BPTF: variants seen among roughly 807,000 people sequenced by gnomAD.
BPTF encodes bromodomain PHD finger transcription factor, also known as nucleosome-remodeling factor subunit BPTF.
A neutral mutation model predicts 292.5 loss-of-function variants in BPTF; 18 were observed. The ratio of observed to expected loss-of-function variants is 0.06; its 90% confidence interval spans 0.04 to 0.09. The LOEUF is 0.09. Ranked by LOEUF, BPTF falls within the 10% of genes least tolerant of loss-of-function variation. The pLI, the probability that BPTF is intolerant of heterozygous loss-of-function variation, is 1.00. For missense variants in BPTF, 2,726 were observed against 3,498.7 expected, an observed-to-expected ratio of 0.78 and a Z score of 5.57; for synonymous variants, 1,225 against 1,251.9, an observed-to-expected ratio of 0.98 and a Z score of 0.45.
chr17:67,836,687 C>T (rs1055999085), intron 1 of BPTF, among the ~76,000 whole-genome samples: 1 of 152,204 alleles, frequency 6.6e-6, no homozygotes, highest in Non-Finnish European at 1.5e-5. Context: ...GACTTCAACA[C>T]TCTTCTCACA....
rs779459852 is a variant in BPTF at position 67,894,170 on chromosome 17, A to G, written c.2543+5A>G. ...AGAATCTTTAGGACATACCAGGTAAATGAATTCTGAGCCTTGTAAATGATG... is the reference window on the plus strand; with the variant it reads ...AGAATCTTTAGGACATACCAGGTAAGTGAATTCTGAGCCTTGTAAATGATG... On this transcript the variant is annotated splice_donor_5th_base_variant and intron_variant, in intron 7 of 27. Transcript: ENST00000306378. 4.3e-6 allele frequency: 7 copies of G among 1,613,544 alleles called. No homozygotes were observed. In the African/African-American group the frequency reaches 6.7e-5, roughly 15 times the overall value.
chr17:67,897,002 G>A (rs1290177240), intron 7 of BPTF, among the ~76,000 whole-genome samples: 1 of 151,914 alleles, frequency 6.6e-6, no homozygotes, highest in Non-Finnish European at 1.5e-5. Flanking sequence ...CAAGGGGGAG[G>A]AAATAATACA....
intron 16 of BPTF, chr17:67,928,876 T>C (rs1021737566): frequency 1.9e-6 from 2 of 1,067,412 alleles, no homozygotes; most frequent in African/African-American, 3.2e-5. Context: ...CCACATTTCA[T>C]GCATTGGTGC....
rs1331666721 is a variant in BPTF at position 67,859,880 on chromosome 17, G to A, written c.1436+5118G>A. Among the ~76,000 whole-genome samples, 6 of 152,124 alleles carry A rather than the reference G, an allele frequency of 3.9e-5. No homozygotes were observed. The South Asian group carries it at 1.0e-3, about 26-fold the overall frequency. ...CAGGGAAGCAAAATATATACTATTC[G>A]ATAATTACATAAATGCAGACCTTTG... On this transcript the variant is annotated intron_variant, in intron 2 of 27. Coordinates refer to ENST00000306378, the MANE Select transcript of BPTF (RefSeq NM_182641.4).
chr17:67,848,489 T>A (rs2058188957), intron 1 of BPTF, among the ~76,000 whole-genome samples: 1 of 152,174 alleles, frequency 6.6e-6, no homozygotes, highest in Non-Finnish European at 1.5e-5. Context: ...CAAAGGGTAG[T>A]AGAGGTGACA....
chr17:67,962,452 C>T (rs1487276988), intron 24 of BPTF, among the ~76,000 whole-genome samples: 3 of 152,192 alleles, frequency 2.0e-5, no homozygotes, highest in African/African-American at 7.2e-5. Context: ...TCTTTTGTTA[C>T]AGAGGCCACT....
chr17:67,834,280 C>T (rs1362909929), intron 1 of BPTF, among the ~76,000 whole-genome samples: 1 of 152,154 alleles, frequency 6.6e-6, no homozygotes, highest in Non-Finnish European at 1.5e-5. Context: ...AGAGAGTATA[C>T]TTTGTATGAC....
At chr17:67,921,802 C>T (rs1397530334) in intron 13 of BPTF, among the ~76,000 whole-genome samples, 15 of 152,066 alleles carry the variant, frequency 9.9e-5, no homozygotes, top group African/African-American at 3.1e-4. Context: ...GAGGCCAAGG[C>T]GGGTGGGTCA....
intron 23 of BPTF, chr17:67,951,531 A>G (rs560892663): frequency 2.6e-5 from 4 of 152,136 alleles, no homozygotes; most frequent in Non-Finnish European, 4.4e-5. Flanking sequence ...TCCGTTCCAC[A>G]TTCTACACAG....
chr17:67,970,849 T>C (rs73338734), intron 26 of BPTF, among the ~76,000 whole-genome samples: 2,789 of 152,320 alleles, frequency 0.018, 91 homozygotes, highest in African/African-American at 0.064. Context: ...GTGTGTAGTT[T>C]TTGCTAGTAT....
At chr17:67,978,974 T>C (rs1555695519) in intron 27 of BPTF, among the ~76,000 whole-genome samples, 1 of 151,112 alleles carries the variant, frequency 6.6e-6, no homozygotes, top group Non-Finnish European at 1.5e-5. Flanking sequence ...CCAGGAATTC[T>C]AGACCAGCCT....
In BPTF at chr17:67,912,620, C is replaced by A. The variant is rs1288647968; in HGVS notation, c.4736C>A (p.Ser1579Tyr). 6.2e-7 allele frequency: 1 copy of A among 1,612,946 alleles called. No individual in the cohort carries two copies. Residue 1579 changes from serine (S) to tyrosine (Y), a missense_variant, in exon 11 of 28, where the codon TCT becomes TAT. By Grantham distance (144) the Ser-to-Tyr change is moderately radical. Around this residue, in one of 22 missense-constraint regions of BPTF, gnomAD observed 144 missense variants for 177.2 expected, o/e 0.81. Coordinates refer to ENST00000306378, the MANE Select transcript of BPTF (RefSeq NM_182641.4). ...INKNENVNGE[S>Y]KRKTVITEVT... ...AAAAATGAAAATGTCAATGGAGAAT[C>A]TAAAAGAAAAACCGTCATCACAGAA... is the stretch of plus-strand genomic sequence containing the variant.
intron 26 of BPTF, among the ~76,000 whole-genome samples, chr17:67,968,763 G>C (rs1555689033): frequency 6.7e-6 from 1 of 149,144 alleles, no homozygotes; most frequent in African/African-American, 2.5e-5. Context: ...GCTCTAGCCT[G>C]GCTGACAGAG....
intron 4 of BPTF, among the ~76,000 whole-genome samples, chr17:67,884,706 G>A (rs2060640771): frequency 6.6e-6 from 1 of 152,064 alleles, no homozygotes; most frequent in Non-Finnish European, 1.5e-5. Flanking sequence ...GTGAGCCACT[G>A]CTCCCAGCCT....
chr17:67,874,872 C>A lies in BPTF; in HGVS notation c.1716C>A (p.Ser572Arg). 6.2e-7 allele frequency: 1 copy of A among 1,613,316 alleles called. No homozygotes were observed. Among genetic ancestry groups the A allele is most frequent in the Non-Finnish European group, 8.5e-7 (1 of 1,179,778 alleles). Residue 572 changes from serine (S) to arginine (R), a missense_variant, in exon 4 of 28, where the codon AGC (serine) becomes AGA (arginine). Coordinates refer to ENST00000306378, the MANE Select transcript of BPTF (RefSeq NM_182641.4). ...AGGGAGACATTGATAATGTTAAAAG[C>A]CCAGAAGAAACAGAAAAAGACAAGA... ...AKKGDIDNVK[S>R]PEETEKDKNE...
intron 1 of BPTF, among the ~76,000 whole-genome samples, chr17:67,843,852 G>A (rs2057789921): frequency 7.6e-6 from 1 of 131,566 alleles, no homozygotes; most frequent in African/African-American, 2.9e-5. Context: ...TGCAACCTCC[G>A]CCTCCTGGGT....
intron 20 of BPTF, 120 bp downstream of exon 20, chr17:67,944,492 C>G: frequency 9.4e-7 from 1 of 1,061,512 alleles, no homozygotes; most frequent in Non-Finnish European, 1.4e-6. Context: ...CCAGTGACCT[C>G]AACAGTTGAC....
intron 1 of BPTF, among the ~76,000 whole-genome samples, chr17:67,848,822 G>T (rs1327119975): frequency 6.6e-6 from 1 of 152,128 alleles, no homozygotes; most frequent in East Asian, 1.9e-4. Flanking sequence ...TTACTCCGTC[G>T]AGGTAATAAG....
In BPTF at chr17:67,917,131, C is replaced by CTTTT. The variant is rs943348736; in HGVS notation, c.5304-1567_5304-1564dup. Reference sequence around the variant, plus strand: ...GATAAGTAACTAATATGGTATTGTCCTTTTTTTTTTTTTTTTTTTGAGATA... The same window carrying CTTTT: ...GATAAGTAACTAATATGGTATTGTCCTTTTTTTTTTTTTTTTTTTTTTTGAGATA... On this transcript the variant is annotated intron_variant, in intron 11 of 27. Transcript: ENST00000306378. 1.0e-3 allele frequency among the ~76,000 whole-genome samples: 107 copies of CTTTT among 105,778 alleles called. 12 individuals are homozygous for CTTTT. In the South Asian group the frequency reaches 0.019, roughly 18 times the overall value. The allele number at this position is 105,778 out of a possible 152,430, so 69.4% of individuals were successfully genotyped here.
Sources: allele counts gnomAD v4.1 joint callset (sites outside exome capture counted in the v4.1 genomes callset), GRCh38; gene constraint gnomAD v4.1.1; regional missense constraint gnomAD v4.1.1; transcripts MANE v1.5; gene names NCBI Gene and HGNC (gene_info 2026-07-23, HGNC 2026-07-21).